The following GUCY1A1 variants were observed in gnomAD, a reference collection of about 807,000 sequenced individuals.
GUCY1A1 encodes guanylate cyclase 1 soluble subunit alpha 1.
A neutral mutation model predicts 64.5 loss-of-function variants in GUCY1A1; 48 were observed. That is an observed-to-expected ratio of 0.74 (90% CI 0.59 to 0.95). The LOEUF is 0.95. Ranked by LOEUF, GUCY1A1 falls within the 40% of genes least tolerant of loss-of-function variation. The probability of loss-of-function intolerance (pLI) is 0.00; values close to 1 mark genes in which losing one functional copy is unlikely to be tolerated. For synonymous variants in GUCY1A1, 308 were observed against 303.4 expected (o/e 1.02, Z -0.16); for missense variants, 804 against 825.3 (o/e 0.97, Z 0.32).
chr4:155,690,587 G>A (rs565644309), intron 2 of GUCY1A1, among the ~76,000 whole-genome samples: 104 of 152,202 alleles, frequency 6.8e-4, no homozygotes, highest in African/African-American at 2.4e-3. Context: ...ATCTTGCTCT[G>A]TCTTAACCTC....
In GUCY1A1 at chr4:155,674,419, T is replaced by G. The variant is rs190613608; in HGVS notation, c.-113+7000T>G. Among the ~76,000 whole-genome samples the G allele has an allele frequency of 2.8e-3, 417 of 151,146 alleles. 3 individuals carry two copies. Among genetic ancestry groups the G allele is most frequent in the Non-Finnish European group, 4.9e-3 (333 of 67,976 alleles). Reference sequence around the variant, plus strand: ...AAAACATGTGCTATCATGAGCCTACTTGGAACAGTGAAGTTATGTGGAGAG... The same window carrying G: ...AAAACATGTGCTATCATGAGCCTACGTGGAACAGTGAAGTTATGTGGAGAG... On this transcript the variant is annotated intron_variant, in intron 2 of 9. Transcript: ENST00000506455.
At chr4:155,696,083 C>A (rs1730369427) in intron 2 of GUCY1A1, among the ~76,000 whole-genome samples, 1 of 152,046 alleles carries the variant, frequency 6.6e-6, no homozygotes. Flanking sequence ...TCCAGAGACC[C>A]CTGCAAATCC....
At chr4:155,704,055 G>A (rs1205287045) in intron 4 of GUCY1A1, 62 bp downstream of exon 4, 1 of 927,630 alleles carries the variant, frequency 1.1e-6, no homozygotes, top group African/African-American at 1.7e-5. Context: ...TGCTACTAAT[G>A]GCCAGCAGTT....
In GUCY1A1 at chr4:155,721,736, T is replaced by A. The variant is rs554443073; in HGVS notation, c.1717-302T>A. On this transcript the variant is annotated intron_variant, in intron 8 of 9. Coordinates refer to ENST00000506455, the MANE Select transcript of GUCY1A1 (RefSeq NM_001130682.3). ...ACAGCTCATATCCCCCTTGCTATGT[T>A]GCTGTGGTTACTATGATCCCTGTGC... 5.9e-5 allele frequency among the ~76,000 whole-genome samples: 9 copies of A among 152,246 alleles called. No homozygotes were observed. In the East Asian group the frequency reaches 1.7e-3, roughly 30 times the overall value.
chr4:155,687,697 A>G (rs764004036), intron 2 of GUCY1A1, among the ~76,000 whole-genome samples: 6 of 152,150 alleles, frequency 3.9e-5, no homozygotes, highest in Admixed American at 6.5e-5. Context: ...ATTGAGGTGA[A>G]GTTCAGTTAA....
In GUCY1A1 at chr4:155,732,605, C is replaced by T. The variant is rs550019043; in HGVS notation, c.*2374C>T. Reference sequence around the variant, plus strand: ...CCACTGATGGTAGCCAGAGTAGAGACCCTGGAGCATAGATTCTTAAAATAA... The same window carrying T: ...CCACTGATGGTAGCCAGAGTAGAGATCCTGGAGCATAGATTCTTAAAATAA... On this transcript the variant is annotated 3_prime_UTR_variant, in exon 10 of 10. Coordinates refer to ENST00000506455, the MANE Select transcript of GUCY1A1 (RefSeq NM_001130682.3). 2.6e-5 allele frequency among the ~76,000 whole-genome samples: 4 copies of T among 151,918 alleles called. No individual in the cohort carries two copies. In the East Asian group the frequency reaches 7.8e-4, roughly 30 times the overall value.
chr4:155,677,080 T>C lies in GUCY1A1; in HGVS notation c.-113+9661T>C, dbSNP rs181673663. 1.7e-3 allele frequency among the ~76,000 whole-genome samples: 264 copies of C among 152,142 alleles called. 18 individuals are homozygous for C. Among genetic ancestry groups the C allele is most frequent in the African/African-American group, 6.2e-3 (258 of 41,400 alleles). On this transcript the variant is annotated intron_variant, in intron 2 of 9. Transcript: ENST00000506455. ...TTAAGGAACTAGGATTGGATTGTTT[T>C]TATTTCTTTGTTTTTGTTTTTAATC...
chr4:155,707,672 A>C (rs1014586517), intron 4 of GUCY1A1, among the ~76,000 whole-genome samples: 4 of 152,044 alleles, frequency 2.6e-5, no homozygotes, highest in Non-Finnish European at 5.9e-5. Context: ...TTTAAAGGTA[A>C]ATATTTCTTA....
intron 9 of GUCY1A1, among the ~76,000 whole-genome samples, chr4:155,729,626 A>T (rs1310065755): frequency 6.6e-6 from 1 of 151,796 alleles, no homozygotes; most frequent in African/African-American, 2.4e-5. Context: ...TTAGCATAAT[A>T]TTTACAAAAT....
Position 155,736,268 on chromosome 4 carries a change from C to T in GUCY1A1, c.*6037C>T, listed in dbSNP as rs1300593090. 6.6e-6 allele frequency: 1 copy of T among 151,864 alleles called. No homozygotes were observed. The highest frequency in any genetic ancestry group is 2.4e-5 in the African/African-American group (1 of 41,360). The allele number at this position is 151,864 out of a possible 1,614,324, so 9.4% of individuals were successfully genotyped here. ...AAATTCTAGTATTTTCTTCACCTAC[C>T]CCAGTGAATCATCTTTATATTTTAC... On this transcript the variant is annotated 3_prime_UTR_variant, in exon 10 of 10. Coordinates refer to ENST00000506455, the MANE Select transcript of GUCY1A1 (RefSeq NM_001130682.3).
intron 2 of GUCY1A1, among the ~76,000 whole-genome samples, chr4:155,693,741 G>C (rs760695999): frequency 6.6e-6 from 1 of 152,038 alleles, no homozygotes; most frequent in Non-Finnish European, 1.5e-5. Flanking sequence ...AACACTGTTC[G>C]GCTTATTTCC....
chr4:155,716,102 C>T lies in GUCY1A1; in HGVS notation c.1573-1057C>T, dbSNP rs1648732252. 4.6e-5 allele frequency among the ~76,000 whole-genome samples: 7 copies of T among 151,966 alleles called. No homozygotes were observed. In the South Asian group the frequency reaches 1.5e-3, roughly 32 times the overall value. On this transcript the variant is annotated intron_variant, in intron 7 of 9. Coordinates refer to ENST00000506455, the MANE Select transcript of GUCY1A1 (RefSeq NM_001130682.3). ...AGCAAGTGGGAGCATGTTTGATGTG[C>T]TTAAAGGATAATGGAAGGCAGTGAC...
At chr4:155,681,954 C>T (rs914921800) in intron 2 of GUCY1A1, among the ~76,000 whole-genome samples, 2 of 152,230 alleles carry the variant, frequency 1.3e-5, no homozygotes, top group Non-Finnish European at 2.9e-5. Context: ...AACATCCTTT[C>T]TCTCAGGCCT....
At chr4:155,714,419 A>G (rs1056637724) in intron 7 of GUCY1A1, among the ~76,000 whole-genome samples, 1 of 152,236 alleles carries the variant, frequency 6.6e-6, no homozygotes, top group African/African-American at 2.4e-5. Context: ...TACAGCAGTG[A>G]CCATCCCTGA....
At chr4:155,716,800 C>T (rs918528848) in intron 7 of GUCY1A1, among the ~76,000 whole-genome samples, 2 of 152,022 alleles carry the variant, frequency 1.3e-5, no homozygotes, top group Non-Finnish European at 2.9e-5. Context: ...ATCCCAACAT[C>T]TTTAAACAAT....
intron 8 of GUCY1A1, among the ~76,000 whole-genome samples, chr4:155,719,078 T>C (rs568386472): frequency 1.3e-5 from 2 of 152,314 alleles, no homozygotes; most frequent in Admixed American, 1.3e-4. Flanking sequence ...CATTTTATAA[T>C]TAAGATGTGT....
intron 2 of GUCY1A1, among the ~76,000 whole-genome samples, chr4:155,673,672 G>T (rs942879576): frequency 6.6e-6 from 1 of 151,352 alleles, no homozygotes; most frequent in Non-Finnish European, 1.5e-5. Context: ...TGTGTACCCT[G>T]TGTGTGGCGG....
chr4:155,679,762 T>C (rs1163946172), intron 2 of GUCY1A1, among the ~76,000 whole-genome samples: 4 of 152,264 alleles, frequency 2.6e-5, no homozygotes, highest in African/African-American at 9.6e-5. Context: ...TATGGTATGA[T>C]GTGTGGATAA....
chr4:155,683,830 A>G (rs1265582297), intron 2 of GUCY1A1, among the ~76,000 whole-genome samples: 1 of 152,216 alleles, frequency 6.6e-6, no homozygotes, highest in Non-Finnish European at 1.5e-5. Flanking sequence ...ATTTGAATTC[A>G]GATAACTAAG....
Sources: allele counts gnomAD v4.1 joint callset (sites outside exome capture counted in the v4.1 genomes callset), GRCh38; gene constraint gnomAD v4.1.1; transcripts MANE v1.5; gene names NCBI Gene and HGNC (gene_info 2026-07-23, HGNC 2026-07-21).